The following BCLAF3 variants were observed in gnomAD, a reference collection of about 807,000 sequenced individuals.
BCLAF3 encodes transient octamer binding factor 1.
In BCLAF3, 24 loss-of-function variants were observed where a neutral mutation model predicts 51.2. That is an observed-to-expected ratio of 0.47 (90% confidence interval 0.34 to 0.66). BCLAF3 has a LOEUF of 0.66. Among genes scored for constraint, BCLAF3 ranks in the 30% least tolerant of loss-of-function variants. BCLAF3 has a pLI of 0.01. For missense variants in BCLAF3, 465 were observed against 525.1 expected (o/e 0.89, Z 1.12); for synonymous variants, 152 against 176.6 (o/e 0.86, Z 1.10).
chrX:19,985,862 G>C (rs891064080), intron 1 of BCLAF3, among the ~76,000 whole-genome samples: 1 of 111,131 alleles, frequency 9.0e-6, no homozygotes, highest in Non-Finnish European at 1.9e-5. Context: ...TGGGAGGATT[G>C]CTTGAGCCCA....
chrX:19,977,770 G>A (rs2072475542), intron 1 of BCLAF3, among the ~76,000 whole-genome samples: 1 of 112,156 alleles, frequency 8.9e-6, no homozygotes, highest in African/African-American at 3.2e-5. Flanking sequence ...CACAATTAGA[G>A]AGGTAAATGC....
chrX:19,915,647 T>C lies in BCLAF3; in HGVS notation c.*1658A>G, dbSNP rs2069921185. 8.9e-6 allele frequency: 1 copy of C among 112,047 alleles called. No individual in the cohort carries two copies. Among genetic ancestry groups the C allele is most frequent in the African/African-American group, 3.2e-5 (1 of 30,882 alleles). 9.2% of individuals were successfully genotyped at this position (112,047 alleles called of 1,213,427 possible). ...TTTTCCTATTAGACTCTTCGTACCA[T>C]AAAGGCAGGGTCCATGTGTCTTGTC... On this transcript the variant is annotated 3_prime_UTR_variant, in exon 12 of 12. Transcript: ENST00000379682.
chrX:19,919,572 G>A (rs1423819812), intron 11 of BCLAF3, among the ~76,000 whole-genome samples: 8 of 109,326 alleles, frequency 7.3e-5, no homozygotes, highest in African/African-American at 2.0e-4. Context: ...ATATGGTTGC[G>A]TTGGCCAGGT....
In BCLAF3 at chrX:19,968,182, C is replaced by G. The variant is rs186211683; in HGVS notation, c.42-1533G>C. Among the ~76,000 whole-genome samples the G allele has an allele frequency of 1.1e-4, 12 of 112,701 alleles. No homozygotes were observed. In the East Asian group the frequency reaches 3.3e-3, roughly 31 times the overall value. On this transcript the variant is annotated intron_variant, in intron 2 of 11. Coordinates refer to ENST00000379682, the MANE Select transcript of BCLAF3 (RefSeq NM_001367774.2). ...TGTCCCTTTCTTCCGAAGAAGTTTG[C>G]TGGAACAGTTGCTATTGTTTTTGGT...
At chrX:19,931,842 T>C (rs1009293949) in intron 10 of BCLAF3, among the ~76,000 whole-genome samples, 2 of 112,273 alleles carry the variant, frequency 1.8e-5, no homozygotes, top group African/African-American at 6.5e-5. Flanking sequence ...ACTGGAGACA[T>C]AGCTACTCCT....
chrX:19,940,345 T>C (rs1270460739), intron 8 of BCLAF3, among the ~76,000 whole-genome samples: 1 of 109,521 alleles, frequency 9.1e-6, no homozygotes, highest in East Asian at 2.8e-4. Context: ...GTTACATATG[T>C]ATACATGTGC....
rs767330838 is a variant in BCLAF3 at position 19,919,291 on chromosome X, C to T, written c.2107-1957G>A. Among the ~76,000 whole-genome samples, 17 of 112,226 alleles carry T rather than the reference C, an allele frequency of 1.5e-4. No individual in the cohort carries two copies. In the South Asian group the frequency reaches 6.2e-3, roughly 41 times the overall value. ...TCCTACCATATTGATTTTCTCTTCC[C>T]TTTAGGCATTAACCATCTGTGAAGT... On this transcript the variant is annotated intron_variant, in intron 11 of 11. Transcript: ENST00000379682.
intron 11 of BCLAF3, among the ~76,000 whole-genome samples, chrX:19,919,889 GA>G (rs1359360458): frequency 4.8e-5 from 5 of 104,057 alleles, no homozygotes; most frequent in Admixed American, 1.0e-4. Context: ...AGGTTGTACA[GA>G]AAAGGGTTAA....
At chrX:19,980,770 T>C (rs756798156) in intron 1 of BCLAF3, among the ~76,000 whole-genome samples, 32 of 109,684 alleles carry the variant, frequency 2.9e-4, no homozygotes, top group Non-Finnish European at 4.9e-4. Flanking sequence ...AAACCCCATC[T>C]CTACTAAAAA....
chrX:19,932,076 A>G (rs1267126445), intron 10 of BCLAF3, among the ~76,000 whole-genome samples: 1 of 112,473 alleles, frequency 8.9e-6, no homozygotes, highest in East Asian at 2.8e-4. Flanking sequence ...GCCAGTGCAT[A>G]CTAAATTTAT....
intron 4 of BCLAF3, among the ~76,000 whole-genome samples, 173 bp downstream of exon 4, chrX:19,964,871 A>C (rs1259079281): frequency 9.0e-6 from 1 of 111,532 alleles, no homozygotes. Flanking sequence ...GCTCCCATGT[A>C]ACTAATCACA....
At chrX:19,974,751 G>A (rs904385646) in intron 1 of BCLAF3, among the ~76,000 whole-genome samples, 29 of 110,001 alleles carry the variant, frequency 2.6e-4, no homozygotes, top group African/African-American at 4.0e-4. Flanking sequence ...GCATGGTGGC[G>A]CGTGGCTGTA....
chrX:19,959,075 T>C (rs1322538748), intron 4 of BCLAF3, among the ~76,000 whole-genome samples: 1 of 112,557 alleles, frequency 8.9e-6, no homozygotes, highest in African/African-American at 3.2e-5. Flanking sequence ...CCTTTCAGTC[T>C]CCTTTCCCTC....
chrX:19,975,438 G>T (rs2072396280), intron 1 of BCLAF3, among the ~76,000 whole-genome samples: 2 of 109,228 alleles, frequency 1.8e-5, no homozygotes, highest in Non-Finnish European at 3.8e-5. Context: ...CCACCTCCCG[G>T]GTTCAAGTGA....
chrX:19,941,108 T>G lies in BCLAF3; in HGVS notation c.1746-3576A>C, dbSNP rs1245751288. Reference sequence around the variant, plus strand: ...CTATTCATGTCCTTTGCCCACTTTTTGATGGGGTTGTTTGTTTTTTTCTTG... The same window carrying G: ...CTATTCATGTCCTTTGCCCACTTTTGGATGGGGTTGTTTGTTTTTTTCTTG... On this transcript the variant is annotated intron_variant, in intron 8 of 11. Coordinates refer to ENST00000379682, the MANE Select transcript of BCLAF3 (RefSeq NM_001367774.2). Among the ~76,000 whole-genome samples, 104 of 110,248 alleles carry G rather than the reference T, an allele frequency of 9.4e-4. 1 individual carries two copies. Among genetic ancestry groups the G allele is most frequent in the African/African-American group, 3.4e-3 (101 of 29,537 alleles).
chrX:19,988,441 C>A (rs2072870037), intron 1 of BCLAF3, among the ~76,000 whole-genome samples: 1 of 111,145 alleles, frequency 9.0e-6, no homozygotes, highest in African/African-American at 3.3e-5. Flanking sequence ...AATGTATGAA[C>A]CTCAAGATGC....
intron 8 of BCLAF3, among the ~76,000 whole-genome samples, chrX:19,944,914 A>G (rs1203319184): frequency 1.0e-5 from 1 of 96,967 alleles, no homozygotes; most frequent in Non-Finnish European, 2.0e-5. Context: ...AGGTACACCA[A>G]TCAGACGTAG....
intron 1 of BCLAF3, among the ~76,000 whole-genome samples, chrX:19,989,040 C>T (rs1261831653): frequency 9.1e-6 from 1 of 110,456 alleles, no homozygotes; most frequent in Non-Finnish European, 1.9e-5. Flanking sequence ...TTAAATGTTG[C>T]CTTTTGCTAG....
In BCLAF3 at chrX:19,916,410, T is replaced by C. The variant is rs780346780; in HGVS notation, c.*895A>G. The C allele has an allele frequency of 8.9e-6, 1 of 112,673 alleles. No individual in the cohort carries two copies. Among genetic ancestry groups the C allele is most frequent in the Non-Finnish European group, 1.9e-5 (1 of 53,232 alleles). The allele number at this position is 112,673 out of a possible 1,213,427, so 9.3% of individuals were successfully genotyped here. On this transcript the variant is annotated 3_prime_UTR_variant, in exon 12 of 12. Transcript: ENST00000379682. ...AATTTCATTTAAAAATCCCATCCAT[T>C]TGCTCTTACACATAGTAGGTATGCA...
Sources: gnomAD v4.1 joint callset for allele counts (sites outside exome capture counted in the v4.1 genomes callset) on GRCh38, gnomAD v4.1.1 for gene constraint, MANE v1.5 for transcripts, NCBI Gene and HGNC (gene_info 2026-07-23, HGNC 2026-07-21) for gene names.